Variants in LRRD1 observed in about 807,000 individuals in gnomAD.
The protein encoded by LRRD1 is leucine rich repeats and death domain containing 1, also known as leucine-rich repeat and death domain-containing protein 1.
In LRRD1, 49 loss-of-function variants were observed where a neutral mutation model predicts 69.5. That is an observed-to-expected ratio of 0.70 (90% CI 0.56 to 0.89). LRRD1 has a LOEUF of 0.89. LRRD1 is among the 40% of genes least tolerant of loss of function. LRRD1 has a pLI of 0.00. For synonymous variants in LRRD1, 303 were observed against 338.9 expected (o/e 0.89, Z 1.16); for missense variants, 853 against 956.0 (o/e 0.89, Z 1.42).
At chr7:92,155,423 A>G (rs1394155247) in intron 3 of LRRD1, among the ~76,000 whole-genome samples, 1 of 152,176 alleles carries the variant, frequency 6.6e-6, no homozygotes, top group Non-Finnish European at 1.5e-5. Flanking sequence ...TTTCCCAGTT[A>G]ATATTTTCAG....
intron 1 of LRRD1, 129 bp downstream of exon 1, chr7:92,178,878 A>G (rs1008139887): frequency 2.0e-5 from 3 of 152,208 alleles, no homozygotes; most frequent in African/African-American, 7.2e-5. Context: ...CTAAATGTGG[A>G]AAAAGAGACA....
At chr7:92,174,503 A>ATATG (rs1563195826) in intron 1 of LRRD1, among the ~76,000 whole-genome samples, 35 of 20,114 alleles carry the variant, frequency 1.7e-3, no homozygotes, top group Non-Finnish European at 2.6e-3. Flanking sequence ...ATATATATAT[A>ATATG]TATATATTTT....
At chr7:92,158,878 C>A in intron 3 of LRRD1, 127 bp downstream of exon 3, 6 of 694,214 alleles carry the variant, frequency 8.6e-6, no homozygotes, top group Non-Finnish European at 1.4e-5. Flanking sequence ...ACAGTCATTT[C>A]CTTCTAATGG....
chr7:92,145,692 G>C (rs1208256478), intron 5 of LRRD1, among the ~76,000 whole-genome samples: 1 of 152,100 alleles, frequency 6.6e-6, no homozygotes, highest in Non-Finnish European at 1.5e-5. Context: ...ACCCGCCTCA[G>C]CTTCCCTAAA....
At chr7:92,167,603 C>G (rs1391489832) in intron 1 of LRRD1, among the ~76,000 whole-genome samples, 1 of 151,576 alleles carries the variant, frequency 6.6e-6, no homozygotes, top group Non-Finnish European at 1.5e-5. Flanking sequence ...CTCAGCCGGG[C>G]GCGGTGGCTC....
At chr7:92,158,356 AAAAT>A (rs542837618) in intron 3 of LRRD1, among the ~76,000 whole-genome samples, 2 of 151,918 alleles carry the variant, frequency 1.3e-5, no homozygotes, top group African/African-American at 2.4e-5. Flanking sequence ...ACCCTGTCTC[AAAAT>A]AAATAAATAA....
chr7:92,174,511 T>TC (rs1563195897), intron 1 of LRRD1, among the ~76,000 whole-genome samples: 1 of 26,700 alleles, frequency 3.7e-5, no homozygotes, highest in Non-Finnish European at 6.8e-5. Context: ...ATATATATAT[T>TC]TTTTTTTTTT....
intron 2 of LRRD1, among the ~76,000 whole-genome samples, chr7:92,162,706 T>C (rs1056337907): frequency 6.6e-6 from 1 of 152,158 alleles, no homozygotes; most frequent in Non-Finnish European, 1.5e-5. Context: ...CATTCCTAAA[T>C]GCATAACAAG....
At chr7:92,166,115 C>T (rs1788903755) in intron 1 of LRRD1, among the ~76,000 whole-genome samples, 1 of 152,178 alleles carries the variant, frequency 6.6e-6, no homozygotes, top group South Asian at 2.1e-4. Flanking sequence ...CCTGAGACTT[C>T]TGAGTGACTC....
chr7:92,156,990 A>G (rs534138471), intron 3 of LRRD1, among the ~76,000 whole-genome samples: 4 of 150,514 alleles, frequency 2.7e-5, no homozygotes, highest in African/African-American at 9.7e-5. Context: ...TGTTTTTGAA[A>G]ATCTTGAATG....
At chr7:92,159,571 C>T (rs1326490217) in intron 2 of LRRD1, among the ~76,000 whole-genome samples, 1 of 133,872 alleles carries the variant, frequency 7.5e-6, no homozygotes, top group East Asian at 2.5e-4. Flanking sequence ...TCTTTTCCAA[C>T]TACTCCATCC....
chr7:92,163,579 T>A lies in LRRD1; in HGVS notation c.1624A>T (p.Lys542Ter). The A allele has an allele frequency of 6.5e-7, 1 of 1,532,524 alleles. No homozygotes were observed. Among genetic ancestry groups the A allele is most frequent in the African/African-American group, 1.4e-5 (1 of 71,766 alleles). The allele number at this position is 1,532,524 out of a possible 1,614,324, so 94.9% of individuals were successfully genotyped here. The change falls in exon 2 of 6, where the codon AAA (lysine) becomes TAA (stop). Residue 542 changes from lysine to a stop codon, truncating the protein, a stop_gained. Transcript: ENST00000458448. LOFTEE classifies it high-confidence loss of function. ...GCTGGAATTTTCTTTATTTGGTTTT[T>A]ACCAAGATCCAGGTATTTAAGATTA... ...LINLKYLDLGKNQIKKIPASI... is the reference protein window; with the variant it reads ...LINLKYLDLG
At chr7:92,166,151 G>A (rs1445323623) in intron 1 of LRRD1, among the ~76,000 whole-genome samples, 2 of 152,198 alleles carry the variant, frequency 1.3e-5, no homozygotes, top group African/African-American at 4.8e-5. Context: ...CAGCTGGGTA[G>A]CACCACTCCT....
chr7:92,178,395 G>A (rs1310646913), intron 1 of LRRD1, among the ~76,000 whole-genome samples: 2 of 152,192 alleles, frequency 1.3e-5, no homozygotes, highest in Middle Eastern at 3.4e-3. Flanking sequence ...ACATGGCTGG[G>A]CGCGGTGGTT....
chr7:92,170,863 A>G (rs1049081352), intron 1 of LRRD1, among the ~76,000 whole-genome samples: 7 of 152,236 alleles, frequency 4.6e-5, no homozygotes, highest in African/African-American at 1.7e-4. Flanking sequence ...TCTGACAACA[A>G]TGGAATAAAA....
chr7:92,148,489 A>T (rs1458965417), intron 4 of LRRD1, among the ~76,000 whole-genome samples: 1 of 152,116 alleles, frequency 6.6e-6, no homozygotes, highest in Non-Finnish European at 1.5e-5. Context: ...ATATATATAT[A>T]TAAAATTCCA....
downstream of LRRD1, among the ~76,000 whole-genome samples, chr7:92,143,259 G>T (rs1159225424): frequency 1.3e-5 from 2 of 152,116 alleles, no homozygotes; most frequent in African/African-American, 4.8e-5. Context: ...TAGACATAAA[G>T]GTTCTCCAAG....
chr7:92,149,574 C>T (rs1230587634), intron 4 of LRRD1, among the ~76,000 whole-genome samples: 2 of 152,162 alleles, frequency 1.3e-5, no homozygotes, highest in Non-Finnish European at 2.9e-5. Context: ...AATAATCAGA[C>T]ACACAACAGA....
intron 1 of LRRD1, among the ~76,000 whole-genome samples, chr7:92,172,062 T>C (rs184535087): frequency 6.6e-6 from 1 of 152,306 alleles, no homozygotes; most frequent in African/African-American, 2.4e-5. Context: ...AGGTCTCAGG[T>C]AAGCCATGAT....
Sources: allele counts gnomAD v4.1 joint callset (sites outside exome capture counted in the v4.1 genomes callset), GRCh38; gene constraint gnomAD v4.1.1; transcripts MANE v1.5; gene names NCBI Gene and HGNC (gene_info 2026-07-23, HGNC 2026-07-21).